Variants in SNX2 observed in about 807,000 individuals in gnomAD.
SNX2 encodes the protein sorting nexin 2, also known as sorting nexin-2.
A neutral mutation model predicts 69.9 loss-of-function variants in SNX2; 25 were observed. The observed-to-expected ratio is 0.36, with a 90% CI of 0.26 to 0.50. The LOEUF is 0.50. SNX2 is among the 20% of genes least tolerant of loss of function. The pLI is 0.97. For synonymous variants in SNX2, 229 were observed against 200.4 expected, an observed-to-expected ratio of 1.14 and a Z score of -1.20; for missense variants, 551 against 613.3, an observed-to-expected ratio of 0.90 and a Z score of 1.07.
In SNX2 at chr5:122,795,260, T is replaced by G. The variant is rs768762409; in HGVS notation, c.109-6T>G. The G allele has an allele frequency of 2.5e-6, 4 of 1,596,140 alleles. No homozygotes were observed. The Admixed American group carries it at 6.7e-5, about 27-fold the overall frequency. ...TCCATTACCTATTATTGTTCTTTTT[T>G]AACAGTCAAGTCCATCATCTCCAGA... On this transcript the variant is annotated splice_region_variant and splice_polypyrimidine_tract_variant and intron_variant, in intron 1 of 14. Transcript: ENST00000379516.
intron 1 of SNX2, 52 bp downstream of exon 1, chr5:122,775,263 C>T: frequency 1.3e-6 from 2 of 1,508,754 alleles, no homozygotes; most frequent in Non-Finnish European, 1.8e-6. Context: ...GCGCGTCTCA[C>T]CTTTCCCCTG....
At chr5:122,781,083 T>C (rs1012834212) in intron 1 of SNX2, among the ~76,000 whole-genome samples, 1 of 152,168 alleles carries the variant, frequency 6.6e-6, no homozygotes, top group African/African-American at 2.4e-5. Flanking sequence ...TTTAAGGAGT[T>C]TTGAATGAAT....
intron 1 of SNX2, among the ~76,000 whole-genome samples, chr5:122,794,568 A>G (rs1268250849): frequency 6.6e-6 from 1 of 152,258 alleles, no homozygotes; most frequent in Non-Finnish European, 1.5e-5. Flanking sequence ...AAAAACAAAC[A>G]AACAAACATG....
intron 7 of SNX2, among the ~76,000 whole-genome samples, chr5:122,812,846 A>T (rs1016150790): frequency 3.9e-5 from 6 of 152,172 alleles, no homozygotes; most frequent in African/African-American, 1.4e-4. Context: ...CTACCTTTTT[A>T]TTCTCCCATT....
chr5:122,804,124 C>CAA (rs151096229), intron 6 of SNX2, among the ~76,000 whole-genome samples: 2 of 148,420 alleles, frequency 1.3e-5, no homozygotes, highest in South Asian at 2.1e-4. Flanking sequence ...GACTCCGTCT[C>CAA]AAAAAAAAAA....
chr5:122,794,880 AGGTGT>A (rs1181659782), intron 1 of SNX2, among the ~76,000 whole-genome samples: 1 of 151,938 alleles, frequency 6.6e-6, no homozygotes, highest in Non-Finnish European at 1.5e-5. Flanking sequence ...ATAAATAACC[AGGTGT>A]GGTGACGTGC....
intron 8 of SNX2, among the ~76,000 whole-genome samples, chr5:122,816,227 T>A (rs1466613931): frequency 6.6e-6 from 1 of 152,184 alleles, no homozygotes; most frequent in Non-Finnish European, 1.5e-5. Flanking sequence ...GTAGTCTAAC[T>A]CTGAATGCCC....
chr5:122,779,766 A>C (rs1000994752), intron 1 of SNX2, among the ~76,000 whole-genome samples: 1 of 152,194 alleles, frequency 6.6e-6, no homozygotes, highest in Non-Finnish European at 1.5e-5. Flanking sequence ...TCTGGGGTAC[A>C]TGTGGAGGAT....
At chr5:122,803,831 T>TA in intron 6 of SNX2, 1 of 429,768 alleles carries the variant, frequency 2.3e-6, no homozygotes, top group East Asian at 3.9e-5. Context: ...GTTTATGTAA[T>TA]ACAGTAATGT....
chr5:122,784,613 T>C (rs937889149), intron 1 of SNX2, among the ~76,000 whole-genome samples: 5 of 152,124 alleles, frequency 3.3e-5, no homozygotes, highest in African/African-American at 4.8e-5. Flanking sequence ...AATCATAATG[T>C]ATTTATCCTT....
At chr5:122,822,139 G>T (rs1754039116) in intron 11 of SNX2, among the ~76,000 whole-genome samples, 1 of 152,112 alleles carries the variant, frequency 6.6e-6, no homozygotes, top group Non-Finnish European at 1.5e-5. Context: ...TTGTCGCCAG[G>T]CTAGAGTGCA....
rs111628621 is a variant in SNX2 at position 122,816,820 on chromosome 5, G to A, written c.799-95G>A. ...CCTCTTTTTTAAAATTTGTATGTGG[G>A]GGGGAGGGGGGAGGAGGGGGGATCA... On this transcript the variant is annotated intron_variant, in intron 8 of 14. Coordinates refer to ENST00000379516, the MANE Select transcript of SNX2 (RefSeq NM_003100.4). The A allele has an allele frequency of 0.011, 5,998 of 568,390 alleles. 351 individuals are homozygous for A. In the African/African-American group the frequency reaches 0.11, roughly 10 times the overall value. 35.2% of individuals were successfully genotyped at this position (568,390 alleles called of 1,614,324 possible).
intron 1 of SNX2, among the ~76,000 whole-genome samples, chr5:122,780,623 G>A (rs542003638): frequency 6.8e-6 from 1 of 147,330 alleles, no homozygotes; most frequent in African/African-American, 2.5e-5. Context: ...AGGCTGGAGT[G>A]CAGTGGCGCA....
At chr5:122,816,874 T>G in intron 8 of SNX2, 41 bp from the exon 9 acceptor site, 1 of 1,245,730 alleles carries the variant, frequency 8.0e-7, no homozygotes, top group South Asian at 1.3e-5. Flanking sequence ...CCTCCAGGCT[T>G]TTAACCGGTT....
chr5:122,801,690 T>TGTGTGTGTG (rs1554062722), intron 3 of SNX2, among the ~76,000 whole-genome samples, 179 bp from the exon 4 acceptor site: 11 of 150,560 alleles, frequency 7.3e-5, no homozygotes, highest in Admixed American at 1.3e-4. Flanking sequence ...TGTGTGTGTG[T>TGTGTGTGTG]TTTATTTATA....
At chr5:122,775,787 T>C (rs1752843789) in intron 1 of SNX2, 1 of 984,622 alleles carries the variant, frequency 1.0e-6, no homozygotes, top group Non-Finnish European at 1.2e-6. Flanking sequence ...CTCTTTTTGT[T>C]TGTCTTTAGT....
chr5:122,823,937 C>T (rs1410906965), intron 11 of SNX2, among the ~76,000 whole-genome samples: 2 of 152,196 alleles, frequency 1.3e-5, no homozygotes, highest in Non-Finnish European at 2.9e-5. Flanking sequence ...CGCGGTGGCT[C>T]ATGCCTGTAA....
intron 1 of SNX2, among the ~76,000 whole-genome samples, chr5:122,788,036 A>G (rs1561444545): frequency 6.6e-6 from 1 of 152,190 alleles, no homozygotes; most frequent in Non-Finnish European, 1.5e-5. Context: ...TCTTTTTAGC[A>G]TAAAGAATTT....
rs1754326921 is a variant in SNX2 at position 122,832,996 on chromosome 5, G to A, written c.*3348G>A. On this transcript the variant is annotated 3_prime_UTR_variant, in exon 15 of 15. Transcript: ENST00000379516. ...AAAGGAAGTCCAAGTCACTGGCTCAGGGACTTTGGAGGCATTTTCATATCA... is the reference window on the plus strand; with the variant it reads ...AAAGGAAGTCCAAGTCACTGGCTCAAGGACTTTGGAGGCATTTTCATATCA... 6.6e-6 allele frequency: 1 copy of A among 152,168 alleles called. No individual in the cohort carries two copies. Among genetic ancestry groups the A allele is most frequent in the African/African-American group, 2.4e-5 (1 of 41,436 alleles). 9.4% of individuals were successfully genotyped at this position (152,168 alleles called of 1,614,324 possible). A position where few individuals can be genotyped will look rare whatever the true frequency, so the allele number is the denominator to read the frequency against.
Sources: allele counts gnomAD v4.1 joint callset (sites outside exome capture counted in the v4.1 genomes callset), GRCh38; gene constraint gnomAD v4.1.1; transcripts MANE v1.5; gene names NCBI Gene and HGNC (gene_info 2026-07-23, HGNC 2026-07-21).